RGS7: variants seen among roughly 807,000 people sequenced by gnomAD.
RGS7 encodes regulator of G protein signaling 7, also known as regulator of G-protein signaling 7.
In RGS7, 27 loss-of-function variants were observed where a neutral mutation model predicts 81.1. The ratio of observed to expected loss-of-function variants is 0.33; its 90% CI spans 0.25 to 0.46. The LOEUF (loss-of-function observed/expected upper bound fraction) is 0.46, where lower values mean the gene tolerates loss of function less well. RGS7 is among the 20% of genes least tolerant of loss of function. The pLI, the probability that RGS7 is intolerant of heterozygous loss-of-function variation, is 1.00. For synonymous variants in RGS7, 208 were observed against 207.7 expected (o/e 1.00, Z -0.01); for missense variants, 396 against 607.4 (o/e 0.65, Z 3.66).
At chr1:240,864,272 A>G (rs988341869) in intron 9 of RGS7, among the ~76,000 whole-genome samples, 1 of 152,186 alleles carries the variant, frequency 6.6e-6, no homozygotes, top group Non-Finnish European at 1.5e-5. Flanking sequence ...TATTATATCC[A>G]CATGTATCCC....
At chr1:240,974,907 GAA>G (rs138869199) in intron 4 of RGS7, among the ~76,000 whole-genome samples, 2 of 142,330 alleles carry the variant, frequency 1.4e-5, no homozygotes, top group African/African-American at 2.6e-5. Context: ...CAGAGGAAGG[GAA>G]AAAAAAAAAA....
At chr1:241,289,083 C>T (rs762935592) in intron 2 of RGS7, among the ~76,000 whole-genome samples, 1 of 152,164 alleles carries the variant, frequency 6.6e-6, no homozygotes, top group Non-Finnish European at 1.5e-5. Flanking sequence ...AAGTAAGTCA[C>T]GATACTAACC....
intron 3 of RGS7, among the ~76,000 whole-genome samples, chr1:241,026,667 A>C (rs1572338524): frequency 6.6e-6 from 1 of 152,296 alleles, no homozygotes; most frequent in Non-Finnish European, 1.5e-5. Flanking sequence ...TGAGCCAGGC[A>C]GGAAGGGCCA....
rs2069935451 is a variant in RGS7, at chr1:241,163,754, CTGCAGTTTTCCCCCA to C, written c.79-65007_79-64993del. 6.7e-6 allele frequency among the ~76,000 whole-genome samples: 1 copy of C among 150,310 alleles called. No individual in the cohort carries two copies. The highest frequency in any genetic ancestry group is 2.5e-5 in the African/African-American group (1 of 39,658). On this transcript the variant is annotated intron_variant, in intron 2 of 18. Coordinates refer to ENST00000440928, the MANE Select transcript of RGS7 (RefSeq NM_001364886.1). The surrounding 1 kb of genome is among the most constrained non-coding windows in gnomAD (Gnocchi z 4.6). ...CCACTGGGGAGTTGGGATAATCACT[CTGCAGTTTTCCCCCA>C]TGCACATGTTATCTATGAACAGAAG...
At chr1:240,828,516 C>T (rs1202956331) in intron 9 of RGS7, among the ~76,000 whole-genome samples, 3 of 152,168 alleles carry the variant, frequency 2.0e-5, no homozygotes, top group Non-Finnish European at 4.4e-5. Flanking sequence ...CGGCCAGGTG[C>T]GGTGGCTCAC....
chr1:241,115,613 CCTT>C (rs920626543), intron 2 of RGS7, among the ~76,000 whole-genome samples: 2 of 152,164 alleles, frequency 1.3e-5, no homozygotes, highest in African/African-American at 4.8e-5. Flanking sequence ...CCTGGCTTCT[CCTT>C]CTCTTCTTGC....
At chr1:241,319,293 T>C (rs1304022924) in intron 2 of RGS7, among the ~76,000 whole-genome samples, 1 of 152,214 alleles carries the variant, frequency 6.6e-6, no homozygotes. Flanking sequence ...GATTTTCCCA[T>C]GTTATACATC....
intron 4 of RGS7, among the ~76,000 whole-genome samples, chr1:240,951,789 A>C (rs1679602635): frequency 2.6e-5 from 4 of 151,896 alleles, no homozygotes; most frequent in Non-Finnish European, 5.9e-5. Flanking sequence ...GCCACACTAC[A>C]CTCAGAGAGA....
chr1:240,916,160 G>A (rs913239833), intron 6 of RGS7, among the ~76,000 whole-genome samples: 6 of 148,950 alleles, frequency 4.0e-5, no homozygotes, highest in Non-Finnish European at 7.4e-5. Context: ...TGCTTGTAAT[G>A]CCAGCTATTA....
chr1:240,914,541 T>C (rs184070568), intron 6 of RGS7, among the ~76,000 whole-genome samples: 5 of 152,292 alleles, frequency 3.3e-5, no homozygotes, highest in African/African-American at 1.2e-4. Context: ...ACTTTAAGTA[T>C]CCCATTACTC....
chr1:241,205,542 C>T, intron 2 of RGS7, among the ~76,000 whole-genome samples: 1 of 151,708 alleles, frequency 6.6e-6, no homozygotes. Flanking sequence ...CTCACTTCAG[C>T]CTCCACCCCC....
chr1:240,912,699 ATTCCTTCCTC>A (rs1390927115), intron 6 of RGS7, among the ~76,000 whole-genome samples: 1 of 152,148 alleles, frequency 6.6e-6, no homozygotes, highest in African/African-American at 2.4e-5. Context: ...TAAAGCAATC[ATTCCTTCCTC>A]ACTCCCAACA....
rs182098721 is a variant in RGS7, at chr1:241,031,861, C to T, written c.176-48732G>A. ...GTCATCGTTGATTATTTAAGTTCCT[C>T]GTAGATTCTAGATATTAGTGCTTTG... On this transcript the variant is annotated intron_variant, in intron 3 of 18. Coordinates refer to ENST00000440928, the MANE Select transcript of RGS7 (RefSeq NM_001364886.1). 3.4e-4 allele frequency among the ~76,000 whole-genome samples: 52 copies of T among 152,178 alleles called. 1 individual carries two copies. The East Asian group carries it at 4.2e-3, about 12-fold the overall frequency.
intron 9 of RGS7, among the ~76,000 whole-genome samples, chr1:240,832,929 C>A (rs911890776): frequency 4.6e-5 from 7 of 152,142 alleles, no homozygotes; most frequent in Admixed American, 4.6e-4. Context: ...CCCACCCCCA[C>A]AAAAGAGATG....
At position 241,094,820 on chromosome 1, in the gene RGS7, C is replaced by A. The variant is rs190656992; in HGVS notation, c.175+3846G>T. Among the ~76,000 whole-genome samples the A allele has an allele frequency of 2.6e-3, 390 of 152,242 alleles. 1 individual carries two copies. Among genetic ancestry groups the A allele is most frequent in the Admixed American group, 4.4e-3 (68 of 15,290 alleles). The stretch of plus-strand genomic sequence containing the variant: ...CACTTTCTCAACACAGCTGTTTTCA[C>A]TTGAGGTGGATATGGGCATTACTTG... On this transcript the variant is annotated intron_variant, in intron 3 of 18. Transcript: ENST00000440928.
At chr1:241,061,302 T>C (rs1435523942) in intron 3 of RGS7, among the ~76,000 whole-genome samples, 3 of 152,362 alleles carry the variant, frequency 2.0e-5, no homozygotes, top group East Asian at 1.9e-4. Flanking sequence ...AGTAAATAAA[T>C]GTTGAAGCTG....
intron 4 of RGS7, among the ~76,000 whole-genome samples, chr1:240,955,517 A>C (rs1680231387): frequency 2.7e-5 from 4 of 145,476 alleles, no homozygotes; most frequent in Admixed American, 1.4e-4. Flanking sequence ...ATGCCACTGC[A>C]CTCCAGCCTG....
intron 4 of RGS7, among the ~76,000 whole-genome samples, chr1:240,948,715 T>G (rs1168818531): frequency 6.6e-6 from 1 of 152,052 alleles, no homozygotes; most frequent in African/African-American, 2.4e-5. Context: ...AGTGCTGGGA[T>G]TACAGGCATT....
At chr1:240,962,082 C>A (rs544313048) in intron 4 of RGS7, among the ~76,000 whole-genome samples, 156 of 152,210 alleles carry the variant, frequency 1.0e-3, no homozygotes, top group South Asian at 8.7e-3. Flanking sequence ...ACGTATGTTC[C>A]TTACTTTCAA....
Sources: allele counts gnomAD v4.1 joint callset (sites outside exome capture counted in the v4.1 genomes callset), GRCh38; gene constraint gnomAD v4.1.1; non-coding constraint Gnocchi (gnomAD v3.1); transcripts MANE v1.5; gene names NCBI Gene and HGNC (gene_info 2026-07-23, HGNC 2026-07-21).